Variants in ZEB2 observed in about 807,000 individuals in gnomAD.
The protein encoded by ZEB2 is zinc finger E-box-binding homeobox 2.
Under a neutral mutation model 99.9 loss-of-function variants are expected in ZEB2, and 6 were observed. The observed-to-expected ratio is 0.06, with a 90% CI of 0.03 to 0.12. The LOEUF is 0.12. Ranked by LOEUF, ZEB2 falls within the 10% of genes least tolerant of loss-of-function variation. The probability of loss-of-function intolerance (pLI) is 1.00; values close to 1 mark genes in which losing one functional copy is unlikely to be tolerated. For synonymous variants in ZEB2, 517 were observed against 542.5 expected (o/e 0.95, Z 0.65); for missense variants, 969 against 1,502.8 (o/e 0.64, Z 5.87).
At chr2:144,511,571 T>G in intron 2 of ZEB2, 1 of 1,280,004 alleles carries the variant, frequency 7.8e-7, no homozygotes, top group Non-Finnish European at 1.0e-6. Context: ...GAAGAAATAC[T>G]TGGATCTTAC....
intron 2 of ZEB2, among the ~76,000 whole-genome samples, chr2:144,458,145 C>A (rs549141820): frequency 6.6e-6 from 1 of 152,088 alleles, no homozygotes; most frequent in African/African-American, 2.4e-5. Context: ...CACATACACA[C>A]ACAAACACAC....
At chr2:144,422,843 A>G (rs1703638470) in intron 4 of ZEB2, among the ~76,000 whole-genome samples, 1 of 152,108 alleles carries the variant, frequency 6.6e-6, no homozygotes, top group African/African-American at 2.4e-5. Flanking sequence ...AAAAAACTAA[A>G]TAATTATGGC....
intron 9 of ZEB2, among the ~76,000 whole-genome samples, chr2:144,395,063 A>G (rs1278256051): frequency 7.1e-6 from 1 of 141,804 alleles, no homozygotes; most frequent in East Asian, 2.1e-4. Context: ...TGGCACAATC[A>G]TGGCTCACTG....
At chr2:144,411,985 A>C (rs990073686) in intron 4 of ZEB2, among the ~76,000 whole-genome samples, 2 of 152,238 alleles carry the variant, frequency 1.3e-5, no homozygotes, top group Non-Finnish European at 2.9e-5. Context: ...AATTCCCAAG[A>C]TAGGCCGGGC....
intron 2 of ZEB2, among the ~76,000 whole-genome samples, chr2:144,482,704 C>T (rs1704530281): frequency 6.6e-6 from 1 of 151,984 alleles, no homozygotes; most frequent in South Asian, 2.1e-4. Flanking sequence ...TCTTAAATTA[C>T]TACGGAGTCT....
At chr2:144,515,247 T>C (rs1448376380) in intron 2 of ZEB2, among the ~76,000 whole-genome samples, 3 of 151,830 alleles carry the variant, frequency 2.0e-5, no homozygotes, top group African/African-American at 7.3e-5. Context: ...AAAAGCCTCC[T>C]TGACACAAAG....
At chr2:144,437,036 C>T (rs1165501210) in intron 2 of ZEB2, among the ~76,000 whole-genome samples, 2 of 152,128 alleles carry the variant, frequency 1.3e-5, no homozygotes, top group Non-Finnish European at 2.9e-5. Flanking sequence ...TACTTAACTC[C>T]TACCAAAGGA....
intron 3 of ZEB2, chr2:144,429,372 T>A (rs1703736256): frequency 4.7e-6 from 1 of 214,970 alleles, no homozygotes; most frequent in Non-Finnish European, 9.5e-6. Flanking sequence ...AAATGCTACA[T>A]AATTTCCACA....
intron 2 of ZEB2, among the ~76,000 whole-genome samples, chr2:144,467,115 T>C (rs1055544681): frequency 6.6e-6 from 1 of 151,812 alleles, no homozygotes; most frequent in African/African-American, 2.4e-5. Flanking sequence ...TGGAACTGCA[T>C]AAAACTAATT....
intron 4 of ZEB2, among the ~76,000 whole-genome samples, chr2:144,408,719 T>C (rs1050012124): frequency 1.3e-5 from 2 of 152,226 alleles, no homozygotes; most frequent in African/African-American, 4.8e-5. Context: ...CTCCATTTCC[T>C]GATTGCCAAG....
chr2:144,512,885 A>G, intron 2 of ZEB2: 1 of 1,287,242 alleles, frequency 7.8e-7, no homozygotes, highest in Non-Finnish European at 1.0e-6. Context: ...CAGAACTGGT[A>G]CCTGCCACAC....
chr2:144,462,840 T>C (rs2149904996), intron 2 of ZEB2: 1 of 152,238 alleles, frequency 6.6e-6, no homozygotes, highest in Middle Eastern at 3.4e-3. Context: ...GTGGCCCTCA[T>C]GTATAATTTT....
At chr2:144,390,875 T>C (rs1289495564) in intron 9 of ZEB2, among the ~76,000 whole-genome samples, 1 of 152,206 alleles carries the variant, frequency 6.6e-6, no homozygotes, top group Non-Finnish European at 1.5e-5. Context: ...TGGAATGCCT[T>C]CAACACCTTC....
At chr2:144,477,854 T>A (rs989019296) in intron 2 of ZEB2, among the ~76,000 whole-genome samples, 1 of 152,176 alleles carries the variant, frequency 6.6e-6, no homozygotes, top group Admixed American at 6.5e-5. Flanking sequence ...AAAGTGGGCA[T>A]TTCCAATAAT....
intron 2 of ZEB2, among the ~76,000 whole-genome samples, chr2:144,439,156 T>C (rs1375130090): frequency 2.1e-5 from 3 of 145,082 alleles, no homozygotes; most frequent in Non-Finnish European, 4.5e-5. Flanking sequence ...AAAAAAAAAC[T>C]TAAGGTTTGC....
At chr2:144,430,358 T>C (rs1305785122) in intron 2 of ZEB2, among the ~76,000 whole-genome samples, 1 of 152,088 alleles carries the variant, frequency 6.6e-6, no homozygotes, top group African/African-American at 2.4e-5. Context: ...CAAAAACTTA[T>C]AAAATAGATC....
intron 2 of ZEB2, among the ~76,000 whole-genome samples, chr2:144,442,282 T>C (rs1214611492): frequency 1.3e-5 from 2 of 152,202 alleles, no homozygotes; most frequent in Non-Finnish European, 2.9e-5. Context: ...GTTGCATATA[T>C]GCTCTTTTAG....
At chr2:144,452,861 G>C (rs1421477492) in intron 2 of ZEB2, among the ~76,000 whole-genome samples, 1 of 152,114 alleles carries the variant, frequency 6.6e-6, no homozygotes, top group East Asian at 1.9e-4. Flanking sequence ...GGCTACACAG[G>C]AAACCTGGTC....
intron 4 of ZEB2, among the ~76,000 whole-genome samples, chr2:144,406,166 A>T (rs1190089586): frequency 6.8e-6 from 1 of 146,802 alleles, no homozygotes; most frequent in Non-Finnish European, 1.5e-5. Flanking sequence ...AAGCTAGGCA[A>T]TTTTTTTTTT....
Sources: allele counts gnomAD v4.1 joint callset (sites outside exome capture counted in the v4.1 genomes callset), GRCh38; gene constraint gnomAD v4.1.1; transcripts MANE v1.5; gene names NCBI Gene and HGNC (gene_info 2026-07-23, HGNC 2026-07-21).